PPM1J: variants seen among roughly 807,000 people sequenced by gnomAD.
PPM1J encodes the protein protein phosphatase, Mg2+/Mn2+ dependent 1J, also known as protein phosphatase 1J.
A neutral mutation model predicts 53.3 loss-of-function variants in PPM1J; 43 were observed. The observed-to-expected ratio is 0.81, with a 90% CI of 0.63 to 1.04. PPM1J has a LOEUF of 1.04. PPM1J is among the 50% of genes least tolerant of loss of function. The pLI, the probability that PPM1J is intolerant of heterozygous loss-of-function variation, is 0.00. For missense variants in PPM1J, 635 were observed against 685.9 expected (o/e 0.93, Z 0.83); for synonymous variants, 267 against 286.4 (o/e 0.93, Z 0.68).
chr1:112,712,047 A>G lies in PPM1J; in HGVS notation c.851T>C (p.Ile284Thr). Residue 284 changes from isoleucine (I) to threonine (T), a missense_variant, in exon 5 of 10, where the codon ATT becomes ACT. Coordinates refer to ENST00000309276, the MANE Select transcript of PPM1J (RefSeq NM_005167.7). ...TGGAATGATTTCACCATTCCGGACA[A>G]TGATGGCCCTGCCCAAAGAAAGAAA... ...VANAGDSRAI[I>T]VRNGEIIPMS... The G allele has an allele frequency of 1.9e-6, 3 of 1,608,884 alleles. No individual in the cohort carries two copies. The highest frequency in any genetic ancestry group is 1.3e-5 in the African/African-American group (1 of 74,930).
Position 112,710,781 on chromosome 1 carries a change from G to A in PPM1J, c.1181C>T (p.Thr394Ile). 6.2e-7 allele frequency: 1 copy of A among 1,614,114 alleles called. No individual in the cohort carries two copies. The change falls in exon 8 of 10, where the codon ACC becomes ATC. Residue 394 changes from threonine (T) to isoleucine (I), a missense_variant. By Grantham distance (89) the Thr-to-Ile change is moderately conservative. Transcript: ENST00000309276. ...GDHSLKVCSS[T>I]LPIKPFLSCF... ...GGAGAGAAAGGGCTTGATGGGCAGG[G>A]TGGAACTGCAGACCTTAAGGCTGTG...
chr1:112,712,766 A>G lies in PPM1J; in HGVS notation c.707T>C (p.Val236Ala), dbSNP rs753719488. Residue 236 changes from valine to alanine, a missense_variant, in exon 3 of 10, where the codon GTT becomes GCT. Physicochemically the swap from Val to Ala is moderately conservative, Grantham distance 64. Coordinates refer to ENST00000309276, the MANE Select transcript of PPM1J (RefSeq NM_005167.7). The stretch of plus-strand genomic sequence containing the variant: ...CACCATGAGCTGGAAGGCATTCTCA[A>G]CGGCCCCCACTACCAGGCTCTCGTG... ...VSHESLVVGA[V>A]ENAFQLMDEQ... 9.9e-6 allele frequency: 16 copies of G among 1,611,042 alleles called. No individual in the cohort carries two copies. The East Asian group carries it at 2.7e-4, about 27-fold the overall frequency.
At position 112,712,001 on chromosome 1, in the gene PPM1J, C is replaced by T. The variant is rs146952178; in HGVS notation, c.897G>A (p.Pro299=). 784 of 1,610,182 alleles carry T rather than the reference C, an allele frequency of 4.9e-4. No individual in the cohort carries two copies. The highest frequency in any genetic ancestry group is 6.2e-4 in the Non-Finnish European group (734 of 1,177,470). Residue 299 remains proline (P), a synonymous_variant, in exon 5 of 10, where the codon CCG becomes CCA. Transcript: ENST00000309276. ...EIIPMSREFT[P]ETERQRLQLL... ...GCTGAAGACGCTGGCGCTCAGTCTC[C>T]GGGGTAAACTCCCGGGACATTGGAA... is the stretch of plus-strand genomic sequence containing the variant.
rs532122722 is a variant in PPM1J at position 112,715,248 on chromosome 1, A to G, written c.54T>C (p.Ala18=). 2 of 1,293,702 alleles carry G rather than the reference A, an allele frequency of 1.5e-6. No individual in the cohort carries two copies. Among genetic ancestry groups the G allele is most frequent in the Non-Finnish European group, 9.8e-7 (1 of 1,022,032 alleles). The allele number at this position is 1,293,702 out of a possible 1,614,324, so 80.1% of individuals were successfully genotyped here. ...CCGGGGATTTGGGGCGCGGAGGCGG[A>G]GCGCCCCCGGAGCTCACCAGGTGCG... ...AVAHLVSSGG[A]PPPRPKSPDL... is the part of the protein sequence containing the mutation. The change falls in exon 1 of 10, where the codon GCT becomes GCC. Residue 18 remains alanine (A), a synonymous_variant. Transcript: ENST00000309276. This position sits in a 1 kb window ranked among gnomAD's most constrained non-coding sequence, Gnocchi z 4.4.
Position 112,711,085 on chromosome 1 carries a change from A to T in PPM1J, c.1047-14T>A, listed in dbSNP as rs768430372. On this transcript the variant is annotated splice_polypyrimidine_tract_variant and intron_variant, in intron 6 of 9. Coordinates refer to ENST00000309276, the MANE Select transcript of PPM1J (RefSeq NM_005167.7). ...TTTTTGTAGGCCCTGGGGAGGGGGGAGTAGAGGAGGCATCACCCAGGCATC... is the reference window on the plus strand; with the variant it reads ...TTTTTGTAGGCCCTGGGGAGGGGGGTGTAGAGGAGGCATCACCCAGGCATC... 6.2e-7 allele frequency: 1 copy of T among 1,612,238 alleles called. No homozygotes were observed. The highest frequency in any genetic ancestry group is 8.5e-7 in the Non-Finnish European group (1 of 1,178,684).
chr1:112,710,846 C>T lies in PPM1J; in HGVS notation c.1116G>A (p.Arg372=), dbSNP rs1199378458. 3.1e-6 allele frequency: 5 copies of T among 1,613,696 alleles called. No homozygotes were observed. The African/African-American group carries it at 5.3e-5, about 17-fold the overall frequency. Residue 372 remains arginine, a synonymous_variant, in exon 8 of 10, where the codon CGG becomes CGA. Coordinates refer to ENST00000309276, the MANE Select transcript of PPM1J (RefSeq NM_005167.7). ...GGGTCACCCCAATGGTGGCCATCACCCGAGCCTGAAAGAAATGAGGAGGGA... is the reference window on the plus strand; with the variant it reads ...GGGTCACCCCAATGGTGGCCATCACTCGAGCCTGAAAGAAATGAGGAGGGA... ...PLVCGEGKKA[R]VMATIGVTRG...
chr1:112,711,126 T>G (rs1675046877), intron 6 of PPM1J, 55 bp from the exon 7 acceptor site: 3 of 1,552,236 alleles, frequency 1.9e-6, no homozygotes, highest in Non-Finnish European at 2.7e-6. Context: ...CCCTCTCCCC[T>G]AGGAGCTGCA....
Position 112,715,138 on chromosome 1 carries a change from G to T in PPM1J, c.164C>A (p.Ala55Glu). 1.3e-6 allele frequency: 2 copies of T among 1,549,372 alleles called. No homozygotes were observed. Among genetic ancestry groups the T allele is most frequent in the South Asian group, 2.3e-5 (2 of 85,168 alleles). Residue 55 changes from alanine (A) to glutamate (E), a missense_variant, in exon 1 of 10, where the codon GCG (alanine) becomes GAG (glutamate). Coordinates refer to ENST00000309276, the MANE Select transcript of PPM1J (RefSeq NM_005167.7). This position sits in a 1 kb window ranked among gnomAD's most constrained non-coding sequence, Gnocchi z 4.4. ...SPPAKAGSGS[A>E]TPAKAVEARA... ...AGCCTCAACAGCCTTCGCGGGCGTC[G>T]CGCTCCCGCTCCCAGCCTTCGCGGG... is the stretch of plus-strand genomic sequence containing the variant.
At position 112,714,079 on chromosome 1, in the gene PPM1J, CGAA is replaced by C. The variant is rs1316599088; in HGVS notation, c.327-471_327-469del. 3.0e-6 allele frequency: 3 copies of C among 1,011,394 alleles called. No individual in the cohort carries two copies. In the African/African-American group the frequency reaches 5.1e-5, roughly 17 times the overall value. The allele number at this position is 1,011,394 out of a possible 1,614,324, so 62.7% of individuals were successfully genotyped here. A position where few individuals can be genotyped will look rare whatever the true frequency, so the allele number is the denominator to read the frequency against. ...CCACCCTTATCCTAAAACCATCCAG[CGAA>C]AGTTTCTGCTGCCTTAACAATGAGG... On this transcript the variant is annotated intron_variant, in intron 1 of 9. Coordinates refer to ENST00000309276, the MANE Select transcript of PPM1J (RefSeq NM_005167.7).
chr1:112,713,966 C>T, intron 1 of PPM1J: 10 of 1,007,094 alleles, frequency 9.9e-6, no homozygotes, highest in Non-Finnish European at 1.0e-5. Context: ...AGTTTTACTT[C>T]CCTGCTAGCT....
rs550317298 is a variant in PPM1J, at chr1:112,714,383, AGCACGAGTTG to A, written c.326+583_326+592del. On this transcript the variant is annotated intron_variant, in intron 1 of 9. Transcript: ENST00000309276. Reference sequence around the variant, plus strand: ...AGGGGGTCCGCTTCTTTGCCAGGCCAGCACGAGTTGGCAGGCTGAAGGGCATCTAAATGGG... The same window carrying A: ...AGGGGGTCCGCTTCTTTGCCAGGCCAGCAGGCTGAAGGGCATCTAAATGGG... 1.3e-4 allele frequency: 124 copies of A among 985,634 alleles called. 1 individual carries two copies. In the African/African-American group the frequency reaches 1.9e-3, roughly 15 times the overall value. 61.1% of individuals were successfully genotyped at this position (985,634 alleles called of 1,614,324 possible).
At chr1:112,714,663 G>C in intron 1 of PPM1J, 1 of 1,196,252 alleles carries the variant, frequency 8.4e-7, no homozygotes, top group Middle Eastern at 3.3e-4. Context: ...GGCCGCGACG[G>C]GGAACTGGCC....
rs1016649320 is a variant in PPM1J at position 112,715,107 on chromosome 1, C to T, written c.195G>A (p.Ala65=). Residue 65 remains alanine (A), a synonymous_variant, in exon 1 of 10, where the codon GCG becomes GCA. Coordinates refer to ENST00000309276, the MANE Select transcript of PPM1J (RefSeq NM_005167.7). This position sits in a 1 kb window ranked among gnomAD's most constrained non-coding sequence, Gnocchi z 4.4. ...GCAGAAAGGTCGGTCTGGAGAAGCT[C>T]GCTCGAGCCTCAACAGCCTTCGCGG... ...ATPAKAVEAR[A]SFSRPTFLQL... 2 of 1,560,050 alleles carry T rather than the reference C, an allele frequency of 1.3e-6. No individual in the cohort carries two copies. Among genetic ancestry groups the T allele is most frequent in the African/African-American group, 1.4e-5 (1 of 71,228 alleles).
chr1:112,714,887 G>C, intron 1 of PPM1J, 89 bp downstream of exon 1: 1 of 1,317,636 alleles, frequency 7.6e-7, no homozygotes, highest in Non-Finnish European at 9.7e-7. Context: ...CGGACGCGGC[G>C]TGGGGAACGC....
rs1485479499 is a variant in PPM1J at position 112,712,949 on chromosome 1, C to T, written c.524G>A (p.Arg175His). 3.7e-6 allele frequency: 6 copies of T among 1,613,708 alleles called. No individual in the cohort carries two copies. The highest frequency in any genetic ancestry group is 2.2e-5 in the South Asian group (2 of 91,072). ...AAEMASRLLHRHIREQLKDLV... is the reference protein window; with the variant it reads ...AAEMASRLLHHHIREQLKDLV... ...GTCCTTTAGCTGCTCTCGGATATGG[C>T]GATGCAGGAGCCGTGAGGCCATTTC... Residue 175 changes from arginine to histidine, a missense_variant, in exon 3 of 10, where the codon CGC (arginine) becomes CAC (histidine). By Grantham distance (29) the Arg-to-His change is conservative. Coordinates refer to ENST00000309276, the MANE Select transcript of PPM1J (RefSeq NM_005167.7).
chr1:112,711,591 A>G, intron 5 of PPM1J: 1 of 573,858 alleles, frequency 1.7e-6, no homozygotes, highest in Non-Finnish European at 3.1e-6. Flanking sequence ...AGGTTAAGGG[A>G]GGGAACTGCT....
At chr1:112,713,106 G>A in intron 2 of PPM1J, 75 bp from the exon 3 acceptor site, 4 of 1,280,220 alleles carry the variant, frequency 3.1e-6, no homozygotes, top group South Asian at 3.0e-5. Flanking sequence ...GTTATGCAAG[G>A]TGAATAACAA....
rs2101478784 is a variant in PPM1J, at chr1:112,710,729, G to A, written c.1218+15C>T. ...AGACTCCCAGAGAAGGCAAGGTGTG[G>A]TTTAAGGGGCTCACCTCAGGGAAGC... On this transcript the variant is annotated intron_variant, in intron 8 of 9. Transcript: ENST00000309276. 6.2e-7 allele frequency: 1 copy of A among 1,613,370 alleles called. No homozygotes were observed. Among genetic ancestry groups the A allele is most frequent in the South Asian group, 1.1e-5 (1 of 91,058 alleles).
intron 1 of PPM1J, 92 bp downstream of exon 1, chr1:112,714,884 G>A: frequency 7.6e-7 from 1 of 1,317,204 alleles, no homozygotes. Context: ...GCCCGGACGC[G>A]GCGTGGGGAA....
Sources: allele counts gnomAD v4.1 joint callset, GRCh38; gene constraint gnomAD v4.1.1; non-coding constraint Gnocchi (gnomAD v3.1); transcripts MANE v1.5; gene names NCBI Gene and HGNC (gene_info 2026-07-23, HGNC 2026-07-21).